Variants in ITGA9 observed in about 807,000 individuals in gnomAD.
The protein encoded by ITGA9 is integrin alpha-9.
ITGA9 carries 56 observed loss-of-function variants against 127.8 expected under a neutral mutation model. The observed-to-expected ratio is 0.44, with a 90% CI of 0.35 to 0.55. ITGA9 has a LOEUF of 0.55. Ranked by LOEUF, ITGA9 falls within the 20% of genes least tolerant of loss-of-function variation. The pLI is 0.00. For missense variants in ITGA9, 1,196 were observed against 1,347.1 expected (o/e 0.89, Z 1.76); for synonymous variants, 508 against 514.5 (o/e 0.99, Z 0.17).
At chr3:37,491,765 G>A (rs765700968) in intron 4 of ITGA9, among the ~76,000 whole-genome samples, 3 of 152,150 alleles carry the variant, frequency 2.0e-5, no homozygotes, top group Admixed American at 6.5e-5. Flanking sequence ...TTTTAGATAC[G>A]AGTATGGTAG....
At chr3:37,580,721 A>C (rs576587781) in intron 15 of ITGA9, among the ~76,000 whole-genome samples, 24 of 152,242 alleles carry the variant, frequency 1.6e-4, no homozygotes, top group South Asian at 1.0e-3. Flanking sequence ...TGGCCATTCT[A>C]AATCAACTCA....
chr3:37,476,656 C>CTTTCTTCCCCTGTATG (rs1353820910), intron 3 of ITGA9, among the ~76,000 whole-genome samples: 1 of 152,162 alleles, frequency 6.6e-6, no homozygotes, highest in Admixed American at 6.5e-5. Flanking sequence ...CGGCACTTCT[C>CTTTCTTCCCCTGTATG]TTTCTTCCCC....
chr3:37,666,761 G>T (rs1265026035), intron 17 of ITGA9, among the ~76,000 whole-genome samples: 1 of 152,240 alleles, frequency 6.6e-6, no homozygotes, highest in Non-Finnish European at 1.5e-5. Flanking sequence ...GGGAGGAGCT[G>T]CAAAGTCACA....
chr3:37,743,849 T>G, intron 21 of ITGA9, 77 bp from the exon 22 acceptor site: 1 of 983,464 alleles, frequency 1.0e-6, no homozygotes, highest in Non-Finnish European at 1.7e-6. Context: ...AGACAAATGT[T>G]TGCTTCTCAG....
chr3:37,732,516 T>C (rs961867379), intron 18 of ITGA9, among the ~76,000 whole-genome samples, 196 bp from the exon 19 acceptor site: 3 of 152,130 alleles, frequency 2.0e-5, no homozygotes, highest in African/African-American at 7.2e-5. Flanking sequence ...TTTTGTCCTC[T>C]TACCTGTCTT....
intron 16 of ITGA9, among the ~76,000 whole-genome samples, chr3:37,632,688 C>G (rs528626418): frequency 6.6e-6 from 1 of 152,158 alleles, no homozygotes; most frequent in Admixed American, 6.5e-5. Context: ...AGGGAAAATT[C>G]TAAATGTTTC....
In ITGA9 at chr3:37,629,600, T is replaced by G; in HGVS notation, c.1839+264T>G. The G allele has an allele frequency of 1.6e-6, 1 of 609,680 alleles. No individual in the cohort carries two copies. 37.8% of individuals were successfully genotyped at this position (609,680 alleles called of 1,614,324 possible). A position where few individuals can be genotyped will look rare whatever the true frequency, so the allele number is the denominator to read the frequency against. On this transcript the variant is annotated intron_variant, in intron 16 of 27. Transcript: ENST00000264741. This position sits in a 1 kb window ranked among gnomAD's most constrained non-coding sequence, Gnocchi z 4.5. ...TTACAATCCCCTCGAGTTCGTGAAC[T>G]GGCTGGCCACTTGGTCCCTGAACTT...
intron 1 of ITGA9, among the ~76,000 whole-genome samples, chr3:37,453,224 G>A (rs1366202318): frequency 6.6e-6 from 1 of 151,848 alleles, no homozygotes; most frequent in Non-Finnish European, 1.5e-5. Flanking sequence ...TGACACCGCC[G>A]GTGGGGCAGG....
intron 15 of ITGA9, among the ~76,000 whole-genome samples, chr3:37,565,367 G>A (rs1439563600): frequency 6.6e-6 from 1 of 152,180 alleles, no homozygotes; most frequent in Non-Finnish European, 1.5e-5. Context: ...TTAGTGGTCA[G>A]GCAAATAATT....
At chr3:37,754,747 T>C (rs2125539920) in intron 23 of ITGA9, among the ~76,000 whole-genome samples, 1 of 152,342 alleles carries the variant, frequency 6.6e-6, no homozygotes, top group East Asian at 1.9e-4. Flanking sequence ...ACTCATATTT[T>C]AGTAAACTGT....
intron 2 of ITGA9, 141 bp downstream of exon 2, chr3:37,471,275 A>G: frequency 2.1e-6 from 2 of 968,144 alleles, no homozygotes; most frequent in African/African-American, 1.6e-5. Flanking sequence ...ACAAGCATGT[A>G]TTGAGTACGT....
chr3:37,745,047 C>G (rs1198860493), intron 22 of ITGA9, among the ~76,000 whole-genome samples: 1 of 152,166 alleles, frequency 6.6e-6, no homozygotes, highest in African/African-American at 2.4e-5. Context: ...TGCGTCCTTC[C>G]CCATGGAGAG....
chr3:37,461,845 T>C (rs1698319282), intron 1 of ITGA9, among the ~76,000 whole-genome samples: 1 of 152,204 alleles, frequency 6.6e-6, no homozygotes, highest in Non-Finnish European at 1.5e-5. Flanking sequence ...TCTGTGCTCT[T>C]GGAAAGCCAA....
intron 24 of ITGA9, 61 bp from the exon 25 acceptor site, chr3:37,779,841 T>C: frequency 6.4e-7 from 1 of 1,563,860 alleles, no homozygotes; most frequent in Non-Finnish European, 8.8e-7. Context: ...ACTCTGTAAA[T>C]TGTTGTGGAT....
chr3:37,746,135 A>C (rs537762629), intron 22 of ITGA9, among the ~76,000 whole-genome samples: 1 of 152,336 alleles, frequency 6.6e-6, no homozygotes, highest in African/African-American at 2.4e-5. Context: ...CAGAAGGTGA[A>C]AATACTGTGG....
At chr3:37,793,712 G>A (rs1449054552) in intron 26 of ITGA9, among the ~76,000 whole-genome samples, 1 of 152,176 alleles carries the variant, frequency 6.6e-6, no homozygotes, top group African/African-American at 2.4e-5. Context: ...GGACAGGATA[G>A]GAAAGAGGAG....
At chr3:37,644,916 A>G (rs899124448) in intron 16 of ITGA9, among the ~76,000 whole-genome samples, 3 of 152,192 alleles carry the variant, frequency 2.0e-5, no homozygotes, top group Admixed American at 2.0e-4. Context: ...TTAAGAGGCA[A>G]TGAGCCTTTT....
At chr3:37,557,240 A>G (rs761965266) in intron 15 of ITGA9, among the ~76,000 whole-genome samples, 20 of 152,218 alleles carry the variant, frequency 1.3e-4, no homozygotes, top group Non-Finnish European at 2.2e-4. Context: ...TAGAAATTGC[A>G]TGGGTCCTTC....
rs560119133 is a variant in ITGA9 at position 37,759,528 on chromosome 3, A to G, written c.2541+8959A>G. On this transcript the variant is annotated intron_variant, in intron 23 of 27. Coordinates refer to ENST00000264741, the MANE Select transcript of ITGA9 (RefSeq NM_002207.3). Reference sequence around the variant, plus strand: ...TATCAGTAATAATATTGATGAATAAATTAAAATAAGTGGAAATTAAATAAA... The same window carrying G: ...TATCAGTAATAATATTGATGAATAAGTTAAAATAAGTGGAAATTAAATAAA... Among the ~76,000 whole-genome samples the G allele has an allele frequency of 5.3e-5, 8 of 152,356 alleles. No homozygotes were observed. In the South Asian group the frequency reaches 1.7e-3, roughly 32 times the overall value.
Sources: allele counts gnomAD v4.1 joint callset (sites outside exome capture counted in the v4.1 genomes callset), GRCh38; gene constraint gnomAD v4.1.1; non-coding constraint Gnocchi (gnomAD v3.1); transcripts MANE v1.5; gene names NCBI Gene and HGNC (gene_info 2026-07-23, HGNC 2026-07-21).